Variants in DOCK1 observed in about 807,000 individuals in gnomAD.
The protein encoded by DOCK1 is dedicator of cytokinesis 1.
Under a neutral mutation model 262.7 loss-of-function variants are expected in DOCK1, and 138 were observed. The observed-to-expected ratio is 0.53, with a 90% CI of 0.46 to 0.61. The LOEUF is 0.61. Ranked by LOEUF, DOCK1 falls within the 20% of genes least tolerant of loss-of-function variation. The pLI is 0.00. For missense variants in DOCK1, 1,908 were observed against 2,370.7 expected (o/e 0.80, Z 4.05); for synonymous variants, 866 against 867.4 (o/e 1.00, Z 0.03).
intron 35 of DOCK1, among the ~76,000 whole-genome samples, chr10:127,375,629 T>C (rs1252759197): frequency 1.3e-5 from 2 of 152,246 alleles, no homozygotes; most frequent in Non-Finnish European, 2.9e-5. Flanking sequence ...ATGGTATCAG[T>C]GCTGGATCTG....
intron 25 of DOCK1, among the ~76,000 whole-genome samples, chr10:127,124,048 G>A (rs114964418): frequency 6.6e-4 from 101 of 152,320 alleles, no homozygotes; most frequent in African/African-American, 2.4e-3. Flanking sequence ...GCCATGAGCC[G>A]CCCACATGTG....
intron 12 of DOCK1, among the ~76,000 whole-genome samples, chr10:127,016,771 AACACAGACACACGCGCACAC>A (rs1292766368): frequency 6.7e-6 from 1 of 150,266 alleles, no homozygotes; most frequent in Non-Finnish European, 1.5e-5. Flanking sequence ...AAACACCACA[AACACAGACACACGCGCACAC>A]ACACAGATAC....
chr10:127,006,715 C>T lies in DOCK1; in HGVS notation c.986-2017C>T, dbSNP rs578059958. On this transcript the variant is annotated intron_variant, in intron 10 of 51. Transcript: ENST00000623213. ...GTGCTCAGGCTCTGATTGCGTTTCCCGCTTGTTTGCTGCCTTCCTGCACAT... is the reference window on the plus strand; with the variant it reads ...GTGCTCAGGCTCTGATTGCGTTTCCTGCTTGTTTGCTGCCTTCCTGCACAT... Among the ~76,000 whole-genome samples, 3 of 152,296 alleles carry T rather than the reference C, an allele frequency of 2.0e-5. No individual in the cohort carries two copies. In the South Asian group the frequency reaches 6.2e-4, roughly 32 times the overall value.
At position 127,447,382 on chromosome 10, in the gene DOCK1, C is replaced by G; in HGVS notation, c.5414-12C>G. On this transcript the variant is annotated splice_polypyrimidine_tract_variant and intron_variant, in intron 50 of 51. Coordinates refer to ENST00000623213, the MANE Select transcript of DOCK1 (RefSeq NM_001290223.2). The stretch of plus-strand genomic sequence containing the variant: ...AAGTCGGGCTGATTTTAAATAGATC[C>G]CGGTTTTCCAGGCTTGGAGCTGAAC... 1.2e-6 allele frequency: 2 copies of G among 1,609,244 alleles called. No homozygotes were observed. Among genetic ancestry groups the G allele is most frequent in the Non-Finnish European group, 1.7e-6 (2 of 1,177,798 alleles).
intron 27 of DOCK1, among the ~76,000 whole-genome samples, chr10:127,141,285 G>A (rs1399932914): frequency 6.6e-6 from 1 of 152,130 alleles, no homozygotes; most frequent in Non-Finnish European, 1.5e-5. Flanking sequence ...TCGAATGCAG[G>A]CACCATAATC....
chr10:126,954,321 G>T (rs1257140590), intron 1 of DOCK1, among the ~76,000 whole-genome samples: 2 of 152,256 alleles, frequency 1.3e-5, no homozygotes, highest in Non-Finnish European at 2.9e-5. Flanking sequence ...CGATGCAGGG[G>T]CCTGAGGCCT....
chr10:127,188,579 C>T (rs927997128), intron 27 of DOCK1, among the ~76,000 whole-genome samples: 2 of 152,094 alleles, frequency 1.3e-5, no homozygotes, highest in African/African-American at 4.8e-5. Flanking sequence ...CAAGGTCTTC[C>T]CATGCTACCA....
At chr10:127,108,722 C>T (rs2048691082) in intron 24 of DOCK1, among the ~76,000 whole-genome samples, 4 of 152,210 alleles carry the variant, frequency 2.6e-5, no homozygotes, top group Admixed American at 2.0e-4. Flanking sequence ...CCATGCTGGC[C>T]TATCTTTAAG....
intron 39 of DOCK1, 113 bp from the exon 40 acceptor site, chr10:127,404,212 C>A: frequency 2.7e-6 from 2 of 750,062 alleles, no homozygotes. Flanking sequence ...CCACCATCTC[C>A]CCCTCCCACC....
intron 27 of DOCK1, among the ~76,000 whole-genome samples, chr10:127,187,123 A>G (rs1448692114): frequency 2.6e-5 from 4 of 152,242 alleles, no homozygotes; most frequent in African/African-American, 7.2e-5. Flanking sequence ...GACATCATAC[A>G]GTTTCCTGTT....
intron 47 of DOCK1, among the ~76,000 whole-genome samples, chr10:127,428,540 T>A (rs1428640213): frequency 7.4e-6 from 1 of 135,972 alleles, no homozygotes; most frequent in Non-Finnish European, 1.6e-5. Context: ...GCCATGTGGA[T>A]TGTGGTGTTG....
intron 1 of DOCK1, among the ~76,000 whole-genome samples, chr10:126,952,729 ATGT>A (rs1328402983): frequency 2.8e-4 from 34 of 121,250 alleles, no homozygotes; most frequent in Admixed American, 5.9e-4. Flanking sequence ...AGTGTTGGTG[ATGT>A]TGTTATTGGT....
At chr10:127,159,603 CAA>C (rs1181510076) in intron 27 of DOCK1, among the ~76,000 whole-genome samples, 2 of 152,030 alleles carry the variant, frequency 1.3e-5, no homozygotes, top group Non-Finnish European at 2.9e-5. Context: ...GGACCAATAG[CAA>C]AAGAGGGAAT....
chr10:126,993,734 T>A (rs1189468699), intron 6 of DOCK1, among the ~76,000 whole-genome samples: 2 of 152,242 alleles, frequency 1.3e-5, no homozygotes, highest in Non-Finnish European at 2.9e-5. Context: ...CAGGCCCAGT[T>A]GGTCCTCCTG....
intron 27 of DOCK1, among the ~76,000 whole-genome samples, chr10:127,239,972 A>T (rs922861470): frequency 4.6e-5 from 7 of 151,934 alleles, no homozygotes; most frequent in African/African-American, 1.7e-4. Context: ...AAATTATTAT[A>T]CTTTATAAGT....
chr10:127,194,756 G>T (rs2056984350), intron 27 of DOCK1, among the ~76,000 whole-genome samples: 1 of 152,184 alleles, frequency 6.6e-6, no homozygotes, highest in South Asian at 2.1e-4. Context: ...TCTACCCTGT[G>T]CTATCCTGAG....
At chr10:126,985,216 C>T (rs1416794833) in intron 4 of DOCK1, among the ~76,000 whole-genome samples, 3 of 152,034 alleles carry the variant, frequency 2.0e-5, no homozygotes, top group Non-Finnish European at 4.4e-5. Flanking sequence ...CCTGACCTCA[C>T]GTGCTCTACC....
intron 12 of DOCK1, 122 bp from the exon 13 acceptor site, chr10:127,018,588 C>A: frequency 6.7e-7 from 1 of 1,501,722 alleles, no homozygotes; most frequent in South Asian, 1.2e-5. Context: ...ATATACCCAC[C>A]TTTTCTCTCA....
At chr10:127,330,064 C>G (rs1318682044) in intron 29 of DOCK1, among the ~76,000 whole-genome samples, 1 of 152,134 alleles carries the variant, frequency 6.6e-6, no homozygotes, top group African/African-American at 2.4e-5. Flanking sequence ...GTTGGGGCTC[C>G]TAGTGGCTAA....
Sources: gnomAD v4.1 joint callset for allele counts (sites outside exome capture counted in the v4.1 genomes callset) on GRCh38, gnomAD v4.1.1 for gene constraint, MANE v1.5 for transcripts, NCBI Gene and HGNC (gene_info 2026-07-23, HGNC 2026-07-21) for gene names.